RGS22: variants seen among roughly 807,000 people sequenced by gnomAD.
The protein encoded by RGS22 is regulator of G protein signaling 22, also known as regulator of G-protein signaling 22.
Under a neutral mutation model 172.9 loss-of-function variants are expected in RGS22, and 148 were observed. The ratio of observed to expected loss-of-function variants is 0.86; its 90% CI spans 0.75 to 0.98. RGS22 has a LOEUF of 0.98. RGS22 is among the 50% of genes least tolerant of loss of function. The pLI is 0.00. For synonymous variants in RGS22, 458 were observed against 480.2 expected (o/e 0.95, Z 0.60); for missense variants, 1,347 against 1,440.8 (o/e 0.93, Z 1.05).
chr8:99,962,098 T>A (rs1173458937), intron 27 of RGS22, among the ~76,000 whole-genome samples: 1 of 152,092 alleles, frequency 6.6e-6, no homozygotes, highest in Non-Finnish European at 1.5e-5. Flanking sequence ...CCTTCTAATA[T>A]TCCCAGCTTA....
At chr8:100,053,080 C>G in intron 9 of RGS22, 104 bp from the exon 10 acceptor site, 1 of 1,016,610 alleles carries the variant, frequency 9.8e-7, no homozygotes, top group Non-Finnish European at 1.5e-6. Context: ...AACAGTCTTG[C>G]CATACCTCTT....
intron 2 of RGS22, among the ~76,000 whole-genome samples, chr8:100,095,786 G>A (rs1184698373): frequency 1.3e-5 from 2 of 152,112 alleles, no homozygotes; most frequent in Non-Finnish European, 2.9e-5. Flanking sequence ...TGCACTTACA[G>A]AAAACTATGA....
At chr8:100,058,171 CAAAAAAA>C (rs71512460) in intron 9 of RGS22, among the ~76,000 whole-genome samples, 1 of 56,082 alleles carries the variant, frequency 1.8e-5, no homozygotes, top group African/African-American at 5.0e-5. Context: ...ACAGAGGAGA[CAAAAAAA>C]AAAAAAAACA....
intron 6 of RGS22, among the ~76,000 whole-genome samples, chr8:100,067,646 A>G (rs1810631211): frequency 7.2e-6 from 1 of 139,290 alleles, no homozygotes; most frequent in Non-Finnish European, 1.5e-5. Context: ...TTTTTTGGAG[A>G]CAGAGTCTCA....
chr8:100,052,853 G>T lies in RGS22; in HGVS notation c.1638C>A (p.Thr546=), dbSNP rs766230023. Residue 546 remains threonine (T), a synonymous_variant, in exon 10 of 28, where the codon ACC becomes ACA. Coordinates refer to ENST00000360863, the MANE Select transcript of RGS22 (RefSeq NM_015668.5). ...AAGATTTGGGTCTTAATGGCAAGAG[G>T]GTTGCCATTTGTGGAAAAGGGTCAA... ...KDIDPFPQMA[T]LLPLRPKSCI... 1.1e-5 allele frequency: 18 copies of T among 1,614,010 alleles called. No homozygotes were observed. The highest frequency in any genetic ancestry group is 1.5e-5 in the Non-Finnish European group (18 of 1,179,928).
intron 3 of RGS22, among the ~76,000 whole-genome samples, chr8:100,087,765 TAAC>T (rs1812268664): frequency 6.6e-6 from 1 of 152,190 alleles, no homozygotes; most frequent in South Asian, 2.1e-4. Flanking sequence ...CAGTTACCAA[TAAC>T]AACTTCTTTT....
At chr8:100,099,548 G>GTCCCCAGTA (rs1813298487) in intron 2 of RGS22, among the ~76,000 whole-genome samples, 1 of 152,124 alleles carries the variant, frequency 6.6e-6, no homozygotes, top group Non-Finnish European at 1.5e-5. Context: ...ATGCTACTTT[G>GTCCCCAGTA]GGGACTAATG....
In RGS22 at chr8:100,071,433, G is replaced by A. The variant is rs1810966179; in HGVS notation, c.530C>T (p.Pro177Leu). 1.2e-6 allele frequency: 2 copies of A among 1,613,110 alleles called. No homozygotes were observed. The highest frequency in any genetic ancestry group is 1.7e-6 in the Non-Finnish European group (2 of 1,179,480). ...PWIVKKPPSL[P>L]PPATEEDNLV... ...ATTATCTTCTTCAGTGGCAGGAGGT[G>A]GTAGACTGGGTGGTTTTTTCACGAT... The change falls in exon 6 of 28, where the codon CCA becomes CTA. Residue 177 changes from proline to leucine, a missense_variant. Transcript: ENST00000360863.
Position 100,008,247 on chromosome 8 carries a change from AG to A in RGS22, c.2361+127del, listed in dbSNP as rs1815951082. The A allele has an allele frequency of 4.7e-5, 36 of 774,004 alleles. No homozygotes were observed. In the South Asian group the frequency reaches 6.0e-4, roughly 13 times the overall value. The allele number at this position is 774,004 out of a possible 1,614,324, so 47.9% of individuals were successfully genotyped here. On this transcript the variant is annotated intron_variant, in intron 15 of 27. Transcript: ENST00000360863. ...CAGATGGGTTTTCACCACGTTAGCT[AG>A]GCTGGTCTTGAACTCCTGACCTCAG... is the stretch of plus-strand genomic sequence containing the variant.
At chr8:99,985,899 T>C (rs2131234982) in intron 21 of RGS22, among the ~76,000 whole-genome samples, 1 of 152,278 alleles carries the variant, frequency 6.6e-6, no homozygotes, top group South Asian at 2.1e-4. Context: ...TTAAAGATAG[T>C]TCCACCCACC....
At chr8:100,015,596 A>C (rs1172007744) in intron 14 of RGS22, among the ~76,000 whole-genome samples, 1 of 152,128 alleles carries the variant, frequency 6.6e-6, no homozygotes, top group Non-Finnish European at 1.5e-5. Flanking sequence ...CCTGGCCTCC[A>C]GTTTTCATTA....
intron 3 of RGS22, among the ~76,000 whole-genome samples, chr8:100,083,830 C>CTTTTTTTTTTTTTTTTTTTTTTTTTTTTT (rs59603032): frequency 7.9e-6 from 1 of 126,056 alleles, no homozygotes. Flanking sequence ...AATTTCTTTT[C>CTTTTTTTTTTTTTTTTTTTTTTTTTTTTT]TTTTTTTTTT....
intron 11 of RGS22, among the ~76,000 whole-genome samples, chr8:100,045,493 T>G (rs889971773): frequency 6.6e-6 from 1 of 152,078 alleles, no homozygotes; most frequent in African/African-American, 2.4e-5. Flanking sequence ...TTTTTAAAAG[T>G]TCAACTTCAG....
rs756091415 is a variant in RGS22, at chr8:99,965,355, G to T, written c.3595C>A (p.Leu1199Ile). The change falls in exon 24 of 28, where the codon CTC (leucine) becomes ATC (isoleucine). Residue 1199 changes from leucine (L) to isoleucine (I), a missense_variant. By Grantham distance (5) the Leu-to-Ile change is conservative. Transcript: ENST00000360863. ...TALLSDSFLG[L>I]QPYGRQPTWC... ...CTTACCTGTCGGCCATATGGTTGGAGGCCTAGGAAGGAATCACTGAGTAAA... is the reference window on the plus strand; with the variant it reads ...CTTACCTGTCGGCCATATGGTTGGATGCCTAGGAAGGAATCACTGAGTAAA... The T allele has an allele frequency of 6.2e-7, 1 of 1,613,352 alleles. No homozygotes were observed. The highest frequency in any genetic ancestry group is 1.1e-5 in the South Asian group (1 of 91,032).
chr8:100,073,360 G>A (rs1410190368), intron 4 of RGS22, among the ~76,000 whole-genome samples: 1 of 151,764 alleles, frequency 6.6e-6, no homozygotes, highest in Non-Finnish European at 1.5e-5. Flanking sequence ...TTGCTGATAC[G>A]CGCAGAAGTC....
intron 10 of RGS22, among the ~76,000 whole-genome samples, chr8:100,048,308 A>G (rs1047450566): frequency 1.3e-5 from 2 of 152,198 alleles, no homozygotes; most frequent in African/African-American, 4.8e-5. Flanking sequence ...TCAGAAAACA[A>G]AAGTCTAAGT....
intron 10 of RGS22, among the ~76,000 whole-genome samples, chr8:100,052,228 T>TAAATATAAAC (rs1195060811): frequency 8.2e-6 from 1 of 121,276 alleles, no homozygotes; most frequent in African/African-American, 3.3e-5. Context: ...TACACATATA[T>TAAATATAAAC]ATGTATATTT....
chr8:100,043,292 T>A (rs908031068), intron 11 of RGS22, among the ~76,000 whole-genome samples: 24 of 150,992 alleles, frequency 1.6e-4, no homozygotes, highest in African/African-American at 5.4e-4. Flanking sequence ...CCGTGGTTAA[T>A]CTAATTCCCT....
At chr8:100,060,122 C>T (rs1466046528) in intron 9 of RGS22, among the ~76,000 whole-genome samples, 2 of 151,946 alleles carry the variant, frequency 1.3e-5, no homozygotes, top group Non-Finnish European at 2.9e-5. Flanking sequence ...AACAATTCAC[C>T]GATCTTCAAA....
Sources: gnomAD v4.1 joint callset for allele counts (sites outside exome capture counted in the v4.1 genomes callset) on GRCh38, gnomAD v4.1.1 for gene constraint, MANE v1.5 for transcripts, NCBI Gene and HGNC (gene_info 2026-07-23, HGNC 2026-07-21) for gene names.